The following ADK variants were observed in gnomAD, a reference collection of about 807,000 sequenced individuals.
ADK encodes the protein N6,N6-dimethyladenosine kinase.
A neutral mutation model predicts 44.7 loss-of-function variants in ADK; 24 were observed. The ratio of observed to expected loss-of-function variants is 0.54; its 90% CI spans 0.39 to 0.76. The LOEUF (loss-of-function observed/expected upper bound fraction) is 0.76, where lower values mean the gene tolerates loss of function less well. ADK is among the 30% of genes least tolerant of loss of function. The pLI is 0.00. For synonymous variants in ADK, 128 were observed against 142.6 expected, an observed-to-expected ratio of 0.90 and a Z score of 0.73; for missense variants, 321 against 425.1, an observed-to-expected ratio of 0.76 and a Z score of 2.15.
chr10:74,402,528 A>G (rs897556047), intron 6 of ADK, among the ~76,000 whole-genome samples: 1 of 151,700 alleles, frequency 6.6e-6, no homozygotes, highest in African/African-American at 2.4e-5. Flanking sequence ...CTTCCACTTG[A>G]TCGAATCAGC....
At chr10:74,176,432 C>A (rs986274020) in intron 1 of ADK, 1 of 1,049,102 alleles carries the variant, frequency 9.5e-7, no homozygotes, top group African/African-American at 1.7e-5. Flanking sequence ...TTACAGGGAG[C>A]TGAGCTTGCC....
chr10:74,206,854 G>T (rs1843615233), intron 2 of ADK, among the ~76,000 whole-genome samples: 3 of 152,272 alleles, frequency 2.0e-5, no homozygotes, highest in Admixed American at 6.5e-5. Context: ...GATCCTTAGG[G>T]TGTCGCTTTT....
chr10:74,599,316 C>T (rs1415132981), intron 8 of ADK, among the ~76,000 whole-genome samples: 1 of 152,174 alleles, frequency 6.6e-6, no homozygotes. Context: ...TATTTCACCA[C>T]TAATTGTCAT....
chr10:74,451,205 C>T (rs757197848), intron 6 of ADK, among the ~76,000 whole-genome samples: 47 of 150,464 alleles, frequency 3.1e-4, no homozygotes, highest in Admixed American at 1.1e-3. Context: ...CAAGTGATGA[C>T]ATGCAGAGAT....
At chr10:74,159,034 A>G (rs147313166) in intron 1 of ADK, among the ~76,000 whole-genome samples, 1 of 152,232 alleles carries the variant, frequency 6.6e-6, no homozygotes, top group Admixed American at 6.5e-5. Context: ...CTGATGATTT[A>G]TCAAAGCAGA....
intron 9 of ADK, among the ~76,000 whole-genome samples, chr10:74,616,646 A>G (rs1326711462): frequency 2.6e-5 from 4 of 152,106 alleles, no homozygotes; most frequent in East Asian, 3.8e-4. Context: ...TTATCTGGCA[A>G]TGTCAGTCTT....
Position 74,236,814 on chromosome 10 carries a change from TA to T in ADK, c.194+12229del, listed in dbSNP as rs1173644556. On this transcript the variant is annotated intron_variant, in intron 3 of 10. Coordinates refer to ENST00000539909, the MANE Select transcript of ADK (RefSeq NM_006721.4). ...CTATTGTATACAATAACATTGTGTATAAAAAATGTATATGCCTTAATTTAAT... is the reference window on the plus strand; with the variant it reads ...CTATTGTATACAATAACATTGTGTATAAAAATGTATATGCCTTAATTTAAT... 3.9e-5 allele frequency among the ~76,000 whole-genome samples: 6 copies of T among 152,330 alleles called. No individual in the cohort carries two copies. The South Asian group carries it at 8.3e-4, about 21-fold the overall frequency.
At chr10:74,574,890 A>C (rs1851131431) in intron 7 of ADK, among the ~76,000 whole-genome samples, 2 of 152,228 alleles carry the variant, frequency 1.3e-5, no homozygotes, top group Admixed American at 1.3e-4. Context: ...AAATTAACTC[A>C]TTCTAATGCA....
chr10:74,535,620 T>C (rs1471149698), intron 7 of ADK, among the ~76,000 whole-genome samples: 1 of 150,402 alleles, frequency 6.6e-6, no homozygotes, highest in East Asian at 1.9e-4. Context: ...CTTGCTCTTA[T>C]TGCCTAGGCT....
At chr10:74,699,453 G>T (rs1320557922) in intron 10 of ADK, among the ~76,000 whole-genome samples, 1 of 152,002 alleles carries the variant, frequency 6.6e-6, no homozygotes, top group Non-Finnish European at 1.5e-5. Context: ...CGAGGCAGGC[G>T]GATCACCTGC....
rs550155618 is a variant in ADK, at chr10:74,607,119, G to A, written c.877+6626G>A. 1.3e-4 allele frequency among the ~76,000 whole-genome samples: 19 copies of A among 151,794 alleles called. No individual in the cohort carries two copies. In the South Asian group the frequency reaches 2.5e-3, roughly 20 times the overall value. ...CTCCATCCCTTTATTTTGAACCTAC[G>A]TGTGTCTTTGCACATGAGATGAGTC... On this transcript the variant is annotated intron_variant, in intron 9 of 10. Coordinates refer to ENST00000539909, the MANE Select transcript of ADK (RefSeq NM_006721.4).
intron 8 of ADK, among the ~76,000 whole-genome samples, chr10:74,593,512 A>G (rs1851788565): frequency 6.6e-6 from 1 of 152,122 alleles, no homozygotes; most frequent in South Asian, 2.1e-4. Context: ...ACAAATTTCA[A>G]ACAGAGAGAA....
intron 3 of ADK, among the ~76,000 whole-genome samples, chr10:74,230,435 G>T (rs1335413614): frequency 2.6e-5 from 4 of 151,158 alleles, no homozygotes; most frequent in Non-Finnish European, 4.4e-5. Flanking sequence ...CCATTTAAGT[G>T]CTGTTTTTGT....
intron 6 of ADK, among the ~76,000 whole-genome samples, chr10:74,415,155 T>C (rs1336735241): frequency 6.6e-6 from 1 of 152,180 alleles, no homozygotes; most frequent in Non-Finnish European, 1.5e-5. Context: ...TATGTGCTAA[T>C]TGCCTCAGAA....
chr10:74,238,626 G>T (rs577394993), intron 3 of ADK, among the ~76,000 whole-genome samples: 2 of 152,246 alleles, frequency 1.3e-5, no homozygotes, highest in South Asian at 4.1e-4. Context: ...AAGCATGGAA[G>T]ATTTGTGTTA....
At chr10:74,451,544 A>G (rs1028997952) in intron 6 of ADK, among the ~76,000 whole-genome samples, 3 of 152,090 alleles carry the variant, frequency 2.0e-5, no homozygotes, top group African/African-American at 7.2e-5. Context: ...TGGAAATGAA[A>G]CCTATCTTTC....
At chr10:74,401,485 A>G (rs1341022600) in intron 6 of ADK, among the ~76,000 whole-genome samples, 2 of 151,868 alleles carry the variant, frequency 1.3e-5, no homozygotes, top group Non-Finnish European at 2.9e-5. Flanking sequence ...TCCCTTTACC[A>G]TTATGTAATG....
chr10:74,236,212 C>T (rs750827542), intron 3 of ADK, among the ~76,000 whole-genome samples: 1 of 152,130 alleles, frequency 6.6e-6, no homozygotes, highest in Non-Finnish European at 1.5e-5. Flanking sequence ...TGACTTGCAA[C>T]ATGGAATTTA....
At chr10:74,678,720 C>T (rs1855495876) in intron 10 of ADK, among the ~76,000 whole-genome samples, 1 of 152,110 alleles carries the variant, frequency 6.6e-6, no homozygotes, top group South Asian at 2.1e-4. Flanking sequence ...TATTTAGTTG[C>T]AGAGGTCCAC....
Sources: allele counts gnomAD v4.1 joint callset (sites outside exome capture counted in the v4.1 genomes callset), GRCh38; gene constraint gnomAD v4.1.1; transcripts MANE v1.5; gene names NCBI Gene and HGNC (gene_info 2026-07-23, HGNC 2026-07-21).